Variants in DPP6 observed in about 807,000 individuals in gnomAD.
DPP6 encodes the protein A-type potassium channel modulatory protein DPP6.
DPP6 carries 69 observed loss-of-function variants against 122.6 expected under a neutral mutation model. That is an observed-to-expected ratio of 0.56 (90% CI 0.46 to 0.69). The LOEUF (loss-of-function observed/expected upper bound fraction) is 0.69. Ranked by LOEUF, DPP6 falls within the 30% of genes least tolerant of loss-of-function variation. DPP6 has a pLI of 0.00. For missense variants in DPP6, 928 were observed against 1,116.9 expected (o/e 0.83, Z 2.41); for synonymous variants, 418 against 433.1 (o/e 0.97, Z 0.43).
At chr7:154,437,291 T>G (rs1182897163) in intron 1 of DPP6, among the ~76,000 whole-genome samples, 2 of 152,238 alleles carry the variant, frequency 1.3e-5, no homozygotes, top group African/African-American at 4.8e-5. Flanking sequence ...ATAGATTCCA[T>G]TCTAGGCCAG....
chr7:153,896,220 T>C (rs1331261842), intron 1 of DPP6, among the ~76,000 whole-genome samples: 1 of 152,182 alleles, frequency 6.6e-6, no homozygotes, highest in African/African-American at 2.4e-5. Flanking sequence ...TAAACAACTT[T>C]TAGTAAAACC....
intron 4 of DPP6, among the ~76,000 whole-genome samples, chr7:154,555,186 TAGA>T (rs1422767306): frequency 2.6e-5 from 4 of 151,958 alleles, no homozygotes; most frequent in Admixed American, 6.6e-5. Context: ...AACTAGAAAA[TAGA>T]AGAAAAAAAG....
chr7:153,778,531 G>T, the DPP6 span, among the ~76,000 whole-genome samples: 2 of 149,962 alleles, frequency 1.3e-5, no homozygotes, highest in Non-Finnish European at 2.9e-5. Context: ...TTTGTATAGA[G>T]TAAAATATAC....
chr7:154,182,094 C>T (rs1798119469), intron 1 of DPP6, among the ~76,000 whole-genome samples: 1 of 152,120 alleles, frequency 6.6e-6, no homozygotes, highest in Non-Finnish European at 1.5e-5. Flanking sequence ...AGCCCCATGG[C>T]TGGCAGTCTG....
intron 16 of DPP6, among the ~76,000 whole-genome samples, chr7:154,823,415 A>T (rs780427968): frequency 1.3e-5 from 2 of 152,144 alleles, no homozygotes; most frequent in Non-Finnish European, 2.9e-5. Context: ...TACACCCTAT[A>T]CTTAATGCAC....
chr7:154,719,887 A>C (rs1359166052), intron 7 of DPP6, among the ~76,000 whole-genome samples: 2 of 152,206 alleles, frequency 1.3e-5, no homozygotes, highest in Non-Finnish European at 2.9e-5. Flanking sequence ...CATCAACGTG[A>C]AGGCCTCTGT....
At chr7:153,999,276 A>G (rs1428887482) in intron 1 of DPP6, among the ~76,000 whole-genome samples, 1 of 152,246 alleles carries the variant, frequency 6.6e-6, no homozygotes, top group African/African-American at 2.4e-5. Flanking sequence ...CACAACTTCC[A>G]GATGCAGAAT....
At chr7:154,099,342 C>G (rs1301538817) in intron 1 of DPP6, among the ~76,000 whole-genome samples, 1 of 151,898 alleles carries the variant, frequency 6.6e-6, no homozygotes, top group Non-Finnish European at 1.5e-5. Context: ...CAGTGAGCAA[C>G]AAAAAACCTT....
intron 6 of DPP6, among the ~76,000 whole-genome samples, chr7:154,667,298 G>T (rs1218711070): frequency 1.3e-5 from 2 of 152,094 alleles, no homozygotes; most frequent in Admixed American, 1.3e-4. Flanking sequence ...TCATGCAAAA[G>T]TTTTATGTTT....
intron 1 of DPP6, among the ~76,000 whole-genome samples, chr7:154,328,901 G>A (rs1371359507): frequency 6.6e-6 from 1 of 152,204 alleles, no homozygotes; most frequent in African/African-American, 2.4e-5. Context: ...CAGATCCACA[G>A]TCATCCACTG....
intron 1 of DPP6, among the ~76,000 whole-genome samples, chr7:154,425,091 C>A (rs1422183746): frequency 6.6e-6 from 1 of 152,160 alleles, no homozygotes; most frequent in Non-Finnish European, 1.5e-5. Flanking sequence ...ATAACTTATT[C>A]TTTCCAAAAG....
chr7:153,929,440 TG>T (rs1563018164), intron 1 of DPP6, among the ~76,000 whole-genome samples: 1 of 152,002 alleles, frequency 6.6e-6, no homozygotes, highest in Non-Finnish European at 1.5e-5. Flanking sequence ...TTGGGTTTGA[TG>T]TCCTGGGAAG....
intron 1 of DPP6, among the ~76,000 whole-genome samples, chr7:154,008,539 T>C (rs1332338855): frequency 6.6e-6 from 1 of 152,232 alleles, no homozygotes; most frequent in East Asian, 1.9e-4. Context: ...TATGTAGAAG[T>C]AGAAGACATT....
At chr7:154,055,218 G>A (rs1427897737) in intron 1 of DPP6, among the ~76,000 whole-genome samples, 1 of 138,584 alleles carries the variant, frequency 7.2e-6, no homozygotes. Flanking sequence ...ATATATATCT[G>A]GCACACATCT....
Position 154,875,854 on chromosome 7 carries a change from A to C in DPP6, c.1884-52A>C, listed in dbSNP as rs1205291186. 13 of 1,564,112 alleles carry C rather than the reference A, an allele frequency of 8.3e-6. No homozygotes were observed. Among genetic ancestry groups the C allele is most frequent in the African/African-American group, 1.4e-5 (1 of 73,674 alleles). On this transcript the variant is annotated intron_variant, in intron 19 of 25. Transcript: ENST00000377770. This position sits in a 1 kb window ranked among gnomAD's most constrained non-coding sequence, Gnocchi z 4.5. ...CATCTGACGTGGCAGCTGCTAGACC[A>C]GCCGCCACCCACCACGCAGCAGGCC... is the stretch of plus-strand genomic sequence containing the variant.
intron 1 of DPP6, among the ~76,000 whole-genome samples, chr7:154,313,685 G>GTGTGTGTGTGTGTGTATATATATATATA: frequency 9.8e-5 from 2 of 20,476 alleles, no homozygotes; most frequent in African/African-American, 1.3e-4. Context: ...TTAAGATATG[G>GTGTGTGTGTGTGTGTATATATATATATA]TATATATATA....
chr7:154,097,210 G>A (rs540207477), intron 1 of DPP6, among the ~76,000 whole-genome samples: 40 of 152,318 alleles, frequency 2.6e-4, no homozygotes, highest in South Asian at 1.0e-3. Context: ...ACAGTCAGGC[G>A]GCCACTCAGT....
intron 1 of DPP6, among the ~76,000 whole-genome samples, chr7:154,408,862 C>T (rs76797091): frequency 0.081 from 12,344 of 151,926 alleles, 575 homozygotes; most frequent in East Asian, 0.11. Flanking sequence ...ATGTTAAGGC[C>T]GGGCCTGGTG....
intron 10 of DPP6, among the ~76,000 whole-genome samples, chr7:154,773,473 G>C (rs545456926): frequency 6.6e-6 from 1 of 152,068 alleles, no homozygotes; most frequent in South Asian, 2.1e-4. Context: ...CAAAACAACT[G>C]ATTTAGGATC....
Sources: gnomAD v4.1 joint callset for allele counts (sites outside exome capture counted in the v4.1 genomes callset) on GRCh38, gnomAD v4.1.1 for gene constraint, Gnocchi (gnomAD v3.1) non-coding constraint, MANE v1.5 for transcripts, NCBI Gene and HGNC (gene_info 2026-07-23, HGNC 2026-07-21) for gene names.